ECT2L: variants seen among roughly 807,000 people sequenced by gnomAD.
ECT2L encodes the protein epithelial cell transforming 2 like, also known as epithelial cell-transforming sequence 2 oncogene-like.
In ECT2L, 126 loss-of-function variants were observed where a neutral mutation model predicts 122.8. The observed-to-expected ratio is 1.03, with a 90% CI of 0.89 to 1.19. ECT2L has a LOEUF of 1.19. Among genes scored for constraint, ECT2L ranks in the 50% most tolerant of loss-of-function variants. ECT2L has a pLI of 0.00. For synonymous variants in ECT2L, 385 were observed against 381.8 expected (o/e 1.01, Z -0.10); for missense variants, 1,012 against 1,064.1 (o/e 0.95, Z 0.68).
intron 15 of ECT2L, among the ~76,000 whole-genome samples, 171 bp downstream of exon 15, chr6:138,881,342 G>A (rs567976174): frequency 6.6e-6 from 1 of 152,064 alleles, no homozygotes; most frequent in African/African-American, 2.4e-5. Flanking sequence ...AACCAGTAGT[G>A]ATTCCCAAGG....
At chr6:138,875,201 G>C (rs916930604) in intron 13 of ECT2L, among the ~76,000 whole-genome samples, 2 of 152,204 alleles carry the variant, frequency 1.3e-5, no homozygotes, top group African/African-American at 2.4e-5. Flanking sequence ...ATCATTAGAA[G>C]ACTCCCTGGA....
At chr6:138,892,828 C>T (rs73559434) in intron 20 of ECT2L, among the ~76,000 whole-genome samples, 13,411 of 152,060 alleles carry the variant, frequency 0.088, 1,240 homozygotes, top group African/African-American at 0.23. Context: ...ATAGCAGACA[C>T]GATGTGTCAG....
At chr6:138,896,734 G>A (rs913070685) in intron 20 of ECT2L, among the ~76,000 whole-genome samples, 8 of 152,132 alleles carry the variant, frequency 5.3e-5, no homozygotes, top group African/African-American at 1.7e-4. Context: ...TGCAACCTCC[G>A]CCTCCTGGGT....
At chr6:138,808,661 T>A (rs896357672) in intron 1 of ECT2L, among the ~76,000 whole-genome samples, 1 of 152,180 alleles carries the variant, frequency 6.6e-6, no homozygotes, top group African/African-American at 2.4e-5. Flanking sequence ...GTAGATTCTT[T>A]AATATTTTTC....
intron 7 of ECT2L, 34 bp downstream of exon 7, chr6:138,844,614 C>A: frequency 1.3e-6 from 2 of 1,596,944 alleles, no homozygotes; most frequent in Non-Finnish European, 1.7e-6. Flanking sequence ...AGGCTCAACA[C>A]CATCCCAATA....
chr6:138,823,436 G>A (rs748045540), intron 4 of ECT2L: 10 of 1,608,038 alleles, frequency 6.2e-6, no homozygotes, highest in Admixed American at 3.4e-5. Context: ...TCATGAAGAT[G>A]CCAAACATTA....
chr6:138,815,486 A>G (rs988044579), intron 4 of ECT2L, among the ~76,000 whole-genome samples: 2 of 152,220 alleles, frequency 1.3e-5, no homozygotes, highest in African/African-American at 4.8e-5. Context: ...CCTCAATGCC[A>G]GATAAAAAGC....
chr6:138,825,120 G>A (rs910922482), intron 4 of ECT2L, among the ~76,000 whole-genome samples: 1 of 152,174 alleles, frequency 6.6e-6, no homozygotes, highest in Admixed American at 6.5e-5. Flanking sequence ...AGGGAAAGCT[G>A]CCCTCAGGAT....
At chr6:138,879,021 C>T (rs1054716979) in intron 14 of ECT2L, 8 of 164,422 alleles carry the variant, frequency 4.9e-5, no homozygotes, top group Non-Finnish European at 8.0e-5. Context: ...TAGCCTCTGG[C>T]GTAAAATAGC....
intron 20 of ECT2L, among the ~76,000 whole-genome samples, chr6:138,890,447 A>G (rs985428119): frequency 6.8e-6 from 1 of 146,410 alleles, no homozygotes; most frequent in African/African-American, 2.5e-5. Context: ...AAATCACACA[A>G]TATGTCACTT....
chr6:138,856,455 C>T (rs527284500), intron 10 of ECT2L, among the ~76,000 whole-genome samples: 61 of 152,058 alleles, frequency 4.0e-4, no homozygotes, highest in Non-Finnish European at 6.6e-4. Context: ...CCTCATGATC[C>T]GCCCACCTCA....
At chr6:138,888,067 G>C (rs1033138379) in intron 19 of ECT2L, among the ~76,000 whole-genome samples, 1 of 152,168 alleles carries the variant, frequency 6.6e-6, no homozygotes, top group Non-Finnish European at 1.5e-5. Context: ...CAATTGATTA[G>C]AAATGTTATT....
chr6:138,838,571 G>A, intron 5 of ECT2L, 57 bp downstream of exon 5: 1 of 1,520,448 alleles, frequency 6.6e-7, no homozygotes. Flanking sequence ...AATCTGTAAT[G>A]AGGCTACTGG....
At chr6:138,866,149 G>GTTTTTT (rs56300933) in intron 12 of ECT2L, among the ~76,000 whole-genome samples, 2 of 134,422 alleles carry the variant, frequency 1.5e-5, no homozygotes, top group Non-Finnish European at 3.1e-5. Flanking sequence ...ATTTTTCATA[G>GTTTTTT]TTTTTTTTTT....
chr6:138,895,562 CATAT>C (rs139742492), intron 20 of ECT2L, among the ~76,000 whole-genome samples: 13,285 of 151,482 alleles, frequency 0.088, 1,203 homozygotes, highest in African/African-American at 0.23. Context: ...AATTACTAAA[CATAT>C]ATATATATAT....
chr6:138,805,821 C>T (rs149105671), intron 1 of ECT2L, among the ~76,000 whole-genome samples: 1 of 152,188 alleles, frequency 6.6e-6, no homozygotes. Flanking sequence ...CACATCATCA[C>T]TTCCACAACA....
chr6:138,890,031 G>A (rs1778963609), intron 20 of ECT2L, among the ~76,000 whole-genome samples: 1 of 152,090 alleles, frequency 6.6e-6, no homozygotes, highest in Non-Finnish European at 1.5e-5. Flanking sequence ...GAACAAACAT[G>A]ACTATGTTCC....
chr6:138,808,332 C>T (rs541909615), intron 1 of ECT2L, among the ~76,000 whole-genome samples: 10 of 152,228 alleles, frequency 6.6e-5, no homozygotes, highest in African/African-American at 2.4e-4. Context: ...GCAACTTCAA[C>T]CTCCAGGACT....
chr6:138,828,040 G>A (rs955514711), intron 4 of ECT2L, among the ~76,000 whole-genome samples: 9 of 151,672 alleles, frequency 5.9e-5, no homozygotes, highest in African/African-American at 1.5e-4. Flanking sequence ...CCATTAACTC[G>A]TCATTTACAT....
Sources: gnomAD v4.1 joint callset for allele counts (sites outside exome capture counted in the v4.1 genomes callset) on GRCh38, gnomAD v4.1.1 for gene constraint, MANE v1.5 for transcripts, NCBI Gene and HGNC (gene_info 2026-07-23, HGNC 2026-07-21) for gene names.